Variants in NRG2 observed in about 807,000 individuals in gnomAD.
NRG2 encodes the protein pro-neuregulin-2, membrane-bound isoform.
A neutral mutation model predicts 73.9 loss-of-function variants in NRG2; 27 were observed. The ratio of observed to expected loss-of-function variants is 0.37; its 90% CI spans 0.27 to 0.50. The LOEUF (loss-of-function observed/expected upper bound fraction) is 0.50. NRG2 is among the 20% of genes least tolerant of loss of function. NRG2 has a pLI of 0.96. For missense variants in NRG2, 1,126 were observed against 1,210.1 expected, an observed-to-expected ratio of 0.93 and a Z score of 1.03; for synonymous variants, 532 against 541.0, an observed-to-expected ratio of 0.98 and a Z score of 0.23.
chr5:139,903,700 C>A (rs927903672), intron 1 of NRG2, among the ~76,000 whole-genome samples: 2 of 152,230 alleles, frequency 1.3e-5, no homozygotes, highest in Non-Finnish European at 2.9e-5. Flanking sequence ...GAGACAACTG[C>A]CCAATGTCTA....
chr5:140,039,330 G>A (rs1761739210), intron 1 of NRG2, among the ~76,000 whole-genome samples: 1 of 152,160 alleles, frequency 6.6e-6, no homozygotes, highest in Non-Finnish European at 1.5e-5. Context: ...GCTAATCCCT[G>A]CAAGGCCTTT....
chr5:140,022,109 C>A (rs1158196558), intron 1 of NRG2, among the ~76,000 whole-genome samples: 1 of 152,192 alleles, frequency 6.6e-6, no homozygotes, highest in Non-Finnish European at 1.5e-5. Context: ...CACCTGTCAT[C>A]CTAGTTCAGG....
rs1761080917 is a variant in NRG2 at position 139,847,664 on chromosome 5, C to G, written c.*253G>C. 2 of 289,838 alleles carry G rather than the reference C, an allele frequency of 6.9e-6. No homozygotes were observed. The highest frequency in any genetic ancestry group is 2.3e-5 in the African/African-American group (1 of 44,266). The allele number at this position is 289,838 out of a possible 1,614,324, so 18.0% of individuals were successfully genotyped here. A position where few individuals can be genotyped will look rare whatever the true frequency, so the allele number is the denominator to read the frequency against. On this transcript the variant is annotated 3_prime_UTR_variant, in exon 10 of 10. Coordinates refer to ENST00000361474, the MANE Select transcript of NRG2 (RefSeq NM_004883.3). The stretch of plus-strand genomic sequence containing the variant: ...CATCTCTCTTTTTTTTTTGTTGTTT[C>G]TTTTTTTTTTCCGAAGCTGTAAATC...
Position 139,886,002 on chromosome 5 carries a change from G to A in NRG2, c.872+1338C>T, listed in dbSNP as rs184887040. Reference sequence around the variant, plus strand: ...CAGTGAGAAGGGGTGGGGTGGTCTCGGAAGGTGGGCTGGGTGGGCAGCCAG... The same window carrying A: ...CAGTGAGAAGGGGTGGGGTGGTCTCAGAAGGTGGGCTGGGTGGGCAGCCAG... On this transcript the variant is annotated intron_variant, in intron 2 of 9. Coordinates refer to ENST00000361474, the MANE Select transcript of NRG2 (RefSeq NM_004883.3). 4.3e-3 allele frequency among the ~76,000 whole-genome samples: 652 copies of A among 152,196 alleles called. 23 individuals are homozygous for A. The highest frequency in any genetic ancestry group is 0.038 in the Admixed American group (580 of 15,298).
intron 1 of NRG2, among the ~76,000 whole-genome samples, chr5:139,909,088 A>C (rs1765431874): frequency 6.6e-6 from 1 of 152,244 alleles, no homozygotes; most frequent in African/African-American, 2.4e-5. Context: ...ACATCACCCC[A>C]AAAAGACCCA....
At chr5:139,864,264 C>T (rs1413817412) in intron 5 of NRG2, among the ~76,000 whole-genome samples, 1 of 152,182 alleles carries the variant, frequency 6.6e-6, no homozygotes, top group East Asian at 1.9e-4. Context: ...TCTGCTCCAC[C>T]TCCACCTGGT....
intron 1 of NRG2, among the ~76,000 whole-genome samples, chr5:140,013,032 G>T (rs1295904640): frequency 6.6e-6 from 1 of 152,066 alleles, no homozygotes; most frequent in African/African-American, 2.4e-5. Context: ...TCTTCTAGAT[G>T]ACTACTTCAC....
At chr5:139,995,438 G>A (rs1757951119) in intron 1 of NRG2, among the ~76,000 whole-genome samples, 1 of 152,154 alleles carries the variant, frequency 6.6e-6, no homozygotes, top group Non-Finnish European at 1.5e-5. Context: ...AGCCGCCACA[G>A]ACGCAGACGG....
chr5:139,994,419 T>A (rs1432255333), intron 1 of NRG2, among the ~76,000 whole-genome samples: 1 of 152,224 alleles, frequency 6.6e-6, no homozygotes, highest in Non-Finnish European at 1.5e-5. Flanking sequence ...TGGTGCTTAG[T>A]GAAGGCTAGT....
intron 1 of NRG2, among the ~76,000 whole-genome samples, chr5:140,036,828 T>G (rs1327123660): frequency 2.6e-5 from 4 of 152,202 alleles, no homozygotes; most frequent in African/African-American, 7.2e-5. Flanking sequence ...TGTTGAAAAC[T>G]GCACTGGGGA....
At chr5:139,913,559 G>C (rs1366209685) in intron 1 of NRG2, among the ~76,000 whole-genome samples, 1 of 152,222 alleles carries the variant, frequency 6.6e-6, no homozygotes, top group East Asian at 1.9e-4. Flanking sequence ...ATAGCTGAAT[G>C]GCCTGAGGGG....
chr5:140,029,462 G>A (rs1760958441), intron 1 of NRG2, among the ~76,000 whole-genome samples: 1 of 152,092 alleles, frequency 6.6e-6, no homozygotes, highest in Non-Finnish European at 1.5e-5. Context: ...TATAAGGTAG[G>A]TATTACTGTG....
intron 1 of NRG2, among the ~76,000 whole-genome samples, chr5:139,956,711 C>T (rs1406448246): frequency 6.6e-6 from 1 of 152,184 alleles, no homozygotes; most frequent in Admixed American, 6.5e-5. Context: ...AGCAGGGCAG[C>T]TAGTGTCCCA....
intron 1 of NRG2, among the ~76,000 whole-genome samples, chr5:140,011,622 T>C (rs922221132): frequency 6.6e-6 from 1 of 152,122 alleles, no homozygotes; most frequent in African/African-American, 2.4e-5. Context: ...CTGATGCCTC[T>C]GGCCAACAGC....
intron 1 of NRG2, among the ~76,000 whole-genome samples, chr5:140,018,973 G>A (rs750697770): frequency 1.3e-5 from 2 of 152,176 alleles, no homozygotes; most frequent in Non-Finnish European, 2.9e-5. Context: ...CTGCCTCCTA[G>A]GTCCATATTA....
intron 1 of NRG2, among the ~76,000 whole-genome samples, chr5:139,912,357 A>T (rs929381182): frequency 6.6e-6 from 1 of 152,092 alleles, no homozygotes; most frequent in Admixed American, 6.5e-5. Flanking sequence ...AGCCCAACCC[A>T]GCCCAGCCCT....
At chr5:140,021,987 A>G (rs1490777463) in intron 1 of NRG2, among the ~76,000 whole-genome samples, 2 of 152,178 alleles carry the variant, frequency 1.3e-5, no homozygotes, top group East Asian at 3.9e-4. Context: ...TTCTAATTCT[A>G]CATCTCCAGT....
intron 1 of NRG2, among the ~76,000 whole-genome samples, chr5:139,959,579 T>A (rs1329125808): frequency 6.6e-6 from 1 of 152,224 alleles, no homozygotes; most frequent in African/African-American, 2.4e-5. Context: ...TTTCACCACG[T>A]TGGTCAGGCT....
intron 1 of NRG2, among the ~76,000 whole-genome samples, chr5:139,911,188 G>C (rs967814180): frequency 6.6e-6 from 1 of 152,114 alleles, no homozygotes; most frequent in Non-Finnish European, 1.5e-5. Flanking sequence ...GGACAAAGGA[G>C]GACAGCAGAG....
Sources: gnomAD v4.1 joint callset for allele counts (sites outside exome capture counted in the v4.1 genomes callset) on GRCh38, gnomAD v4.1.1 for gene constraint, MANE v1.5 for transcripts, NCBI Gene and HGNC (gene_info 2026-07-23, HGNC 2026-07-21) for gene names.